CHRDL1: variants seen among roughly 807,000 people sequenced by gnomAD.
CHRDL1 encodes chordin-like protein 1.
CHRDL1 carries 19 observed loss-of-function variants against 40.9 expected under a neutral mutation model. That is an observed-to-expected ratio of 0.46 (90% confidence interval 0.32 to 0.68). The LOEUF is 0.68. CHRDL1 is among the 30% of genes least tolerant of loss of function. CHRDL1 has a pLI of 0.03. For synonymous variants in CHRDL1, 136 were observed against 123.4 expected (o/e 1.10, Z -0.68); for missense variants, 329 against 352.1 (o/e 0.93, Z 0.53).
intron 6 of CHRDL1, among the ~76,000 whole-genome samples, chrX:110,705,154 C>T (rs924498790): frequency 2.8e-5 from 3 of 107,469 alleles, no homozygotes; most frequent in African/African-American, 1.0e-4. Context: ...CACTATCAGG[C>T]ATAGGAGAAG....
intron 6 of CHRDL1, among the ~76,000 whole-genome samples, chrX:110,705,342 C>CAT (rs10551965): frequency 1.5e-4 from 7 of 46,907 alleles, no homozygotes; most frequent in Admixed American, 1.3e-3. Flanking sequence ...TATATATACA[C>CAT]ATATATATAT....
chrX:110,721,351 G>C (rs773384658), intron 5 of CHRDL1, 34 bp downstream of exon 5: 2 of 1,184,703 alleles, frequency 1.7e-6, no homozygotes, highest in African/African-American at 1.8e-5. Flanking sequence ...ATTTGAGTAG[G>C]GCCTAGCAGG....
intron 2 of CHRDL1, among the ~76,000 whole-genome samples, chrX:110,773,977 A>G (rs754291460): frequency 9.0e-6 from 1 of 111,426 alleles, no homozygotes; most frequent in African/African-American, 3.3e-5. Context: ...AAAGGGGTAT[A>G]GAAGCCTCCA....
At chrX:110,685,349 C>T (rs1041526879) in intron 9 of CHRDL1, among the ~76,000 whole-genome samples, 5 of 111,566 alleles carry the variant, frequency 4.5e-5, no homozygotes, top group Non-Finnish European at 9.4e-5. Context: ...CTCCACCTCC[C>T]GGGCTCAACC....
intron 4 of CHRDL1, among the ~76,000 whole-genome samples, chrX:110,739,727 C>T (rs758215031): frequency 3.6e-5 from 4 of 112,623 alleles, no homozygotes; most frequent in African/African-American, 9.7e-5. Context: ...CTTCTAAAAT[C>T]ATGGGCCATA....
chrX:110,684,199 T>C (rs770859052), intron 9 of CHRDL1, among the ~76,000 whole-genome samples: 3 of 112,261 alleles, frequency 2.7e-5, no homozygotes, highest in Non-Finnish European at 5.6e-5. Context: ...AAGAGAGAGA[T>C]GAAACTCACA....
intron 9 of CHRDL1, among the ~76,000 whole-genome samples, chrX:110,682,928 T>A (rs908016568): frequency 1.8e-5 from 2 of 112,276 alleles, no homozygotes; most frequent in Non-Finnish European, 3.8e-5. Context: ...AAGGGCCACG[T>A]GCTAGCACTT....
intron 4 of CHRDL1, among the ~76,000 whole-genome samples, chrX:110,755,293 G>GA (rs1346473201): frequency 9.9e-5 from 11 of 111,298 alleles, no homozygotes; most frequent in Non-Finnish European, 1.9e-4. Context: ...AAGTGCTGAT[G>GA]AAAAAAAATT....
chrX:110,794,905 A>C (rs893074956), intron 1 of CHRDL1, among the ~76,000 whole-genome samples: 2 of 112,278 alleles, frequency 1.8e-5, no homozygotes, highest in Non-Finnish European at 3.8e-5. Flanking sequence ...CTGGAGTCCC[A>C]GGCCCTTGTC....
At chrX:110,759,819 T>C in intron 3 of CHRDL1, 65 bp from the exon 4 acceptor site, 1 of 806,327 alleles carries the variant, frequency 1.2e-6, no homozygotes, top group Admixed American at 2.2e-5. Flanking sequence ...TCAAGCCAGT[T>C]TGGGAAACAG....
chrX:110,705,556 T>A (rs141709709), intron 6 of CHRDL1, among the ~76,000 whole-genome samples: 2,385 of 102,986 alleles, frequency 0.023, 29 homozygotes, highest in Non-Finnish European at 0.035. Context: ...CATACAGGTT[T>A]TAGTATTCCT....
In CHRDL1 at chrX:110,682,092, A is replaced by G. The variant is rs980744325; in HGVS notation, c.989-443T>C. On this transcript the variant is annotated intron_variant, in intron 9 of 11. Transcript: ENST00000372042. ...AGAGGCCCAGGGAATGGGCTGAAAA[A>G]GGGCCTTGGTTAACATCCCCTGACA... 2.7e-5 allele frequency among the ~76,000 whole-genome samples: 3 copies of G among 112,248 alleles called. No homozygotes were observed. In the East Asian group the frequency reaches 8.4e-4, roughly 31 times the overall value.
chrX:110,736,888 T>A (rs1357831490), intron 4 of CHRDL1, among the ~76,000 whole-genome samples: 1 of 111,787 alleles, frequency 8.9e-6, no homozygotes, highest in Non-Finnish European at 1.9e-5. Flanking sequence ...TCTCCCTATG[T>A]CCACCCTCTA....
chrX:110,755,159 G>T (rs2089431271), intron 4 of CHRDL1, among the ~76,000 whole-genome samples: 1 of 110,732 alleles, frequency 9.0e-6, no homozygotes, highest in Admixed American at 9.7e-5. Flanking sequence ...ATTTAATGAC[G>T]TTCATGAGTC....
intron 4 of CHRDL1, among the ~76,000 whole-genome samples, chrX:110,753,482 C>T (rs1411161326): frequency 2.7e-5 from 3 of 111,934 alleles, no homozygotes; most frequent in Non-Finnish European, 5.6e-5. Flanking sequence ...GGTAAATGTT[C>T]TTACCACTTG....
At position 110,675,747 on chromosome X, in the gene CHRDL1, A is replaced by C. The variant is rs1421008575; in HGVS notation, c.*484T>G. 1 of 82,594 alleles carries C rather than the reference A, an allele frequency of 1.2e-5. No homozygotes were observed. Among genetic ancestry groups the C allele is most frequent in the Non-Finnish European group, 2.4e-5 (1 of 40,928 alleles). The allele number at this position is 82,594 out of a possible 1,213,427, so 6.8% of individuals were successfully genotyped here. On this transcript the variant is annotated 3_prime_UTR_variant, in exon 12 of 12. Coordinates refer to ENST00000372042, the MANE Select transcript of CHRDL1 (RefSeq NM_001143981.2). ...GGAGGGAGAGAGAGAGAGAGAGAGA[A>C]GGAGGGAGGGAGGGAGTGAGGAGGG... is the stretch of plus-strand genomic sequence containing the variant.
At chrX:110,770,094 T>C (rs1442300235) in intron 2 of CHRDL1, among the ~76,000 whole-genome samples, 1 of 112,190 alleles carries the variant, frequency 8.9e-6, no homozygotes, top group Non-Finnish European at 1.9e-5. Flanking sequence ...AAATCTAGGT[T>C]TGAGTCCTAA....
rs891792209 is a variant in CHRDL1 at position 110,697,934 on chromosome X, T to C, written c.609+2720A>G. ...GACCAATTCATGAGAAATTACAACT[T>C]AGAAATCAAACAAAAACTGTTTCAG... On this transcript the variant is annotated intron_variant, in intron 7 of 11. Coordinates refer to ENST00000372042, the MANE Select transcript of CHRDL1 (RefSeq NM_001143981.2). Among the ~76,000 whole-genome samples, 27 of 105,566 alleles carry C rather than the reference T, an allele frequency of 2.6e-4. 1 individual carries two copies. Among genetic ancestry groups the C allele is most frequent in the African/African-American group, 8.3e-4 (24 of 28,763 alleles). 91.7% of individuals were successfully genotyped at this position (105,566 alleles called of 115,157 possible).
intron 11 of CHRDL1, 109 bp downstream of exon 11, chrX:110,679,227 T>C: frequency 1.8e-6 from 1 of 558,379 alleles, no homozygotes; most frequent in Non-Finnish European, 3.2e-6. Context: ...GTGTTGATAC[T>C]GAGCAGTGCT....
Sources: gnomAD v4.1 joint callset for allele counts (sites outside exome capture counted in the v4.1 genomes callset) on GRCh38, gnomAD v4.1.1 for gene constraint, MANE v1.5 for transcripts, NCBI Gene and HGNC (gene_info 2026-07-23, HGNC 2026-07-21) for gene names.